Variants in UNC13C observed in about 807,000 individuals in gnomAD.
The protein encoded by UNC13C is protein unc-13 homolog C.
In UNC13C, 174 loss-of-function variants were observed where a neutral mutation model predicts 245.4. The ratio of observed to expected loss-of-function variants is 0.71; its 90% CI spans 0.63 to 0.80. The LOEUF is 0.80. Among genes scored for constraint, UNC13C ranks in the 30% least tolerant of loss-of-function variants. The probability of loss-of-function intolerance (pLI) is 0.00; values close to 1 mark genes in which losing one functional copy is unlikely to be tolerated. For synonymous variants in UNC13C, 992 were observed against 895.1 expected (o/e 1.11, Z -1.93); for missense variants, 2,829 against 2,602.9 (o/e 1.09, Z -1.89).
chr15:54,091,491 T>C (rs1899570987), intron 2 of UNC13C, among the ~76,000 whole-genome samples: 1 of 152,230 alleles, frequency 6.6e-6, no homozygotes, highest in African/African-American at 2.4e-5. Flanking sequence ...TGATAAGTCC[T>C]TTCGTATCTA....
At chr15:54,343,935 G>A in intron 17 of UNC13C, among the ~76,000 whole-genome samples, 1 of 152,188 alleles carries the variant, frequency 6.6e-6, no homozygotes, top group East Asian at 1.9e-4. Context: ...GATTCTTGCT[G>A]AAGGCAGACC....
the UNC13C span, among the ~76,000 whole-genome samples, chr15:53,927,246 T>C: frequency 6.6e-6 from 1 of 152,120 alleles, no homozygotes; most frequent in Admixed American, 6.5e-5. Flanking sequence ...GAGTCCACGT[T>C]TTTAACCACT....
At position 54,343,202 on chromosome 15, in the gene UNC13C, C is replaced by T. The variant is rs551251063; in HGVS notation, c.4713+4713C>T. Among the ~76,000 whole-genome samples, 10 of 151,420 alleles carry T rather than the reference C, an allele frequency of 6.6e-5. No homozygotes were observed. The South Asian group carries it at 8.3e-4, about 13-fold the overall frequency. ...AGACTGGAGCGCAGTGGCGCAATCTCGGCTCACTGCAAACTCCGCCTCTTG... is the reference window on the plus strand; with the variant it reads ...AGACTGGAGCGCAGTGGCGCAATCTTGGCTCACTGCAAACTCCGCCTCTTG... On this transcript the variant is annotated intron_variant, in intron 17 of 32. Transcript: ENST00000260323.
chr15:53,976,475 CTCTTTTTT>C (rs1317975650), upstream of UNC13C, among the ~76,000 whole-genome samples: 4 of 63,738 alleles, frequency 6.3e-5, no homozygotes, highest in Admixed American at 7.7e-4. Flanking sequence ...CTCTCTCTCT[CTCTTTTTT>C]TTTTTTTTTT....
At chr15:54,455,238 T>TATACATATATAA (rs1416569966) in intron 19 of UNC13C, among the ~76,000 whole-genome samples, 1 of 70,146 alleles carries the variant, frequency 1.4e-5, no homozygotes. Flanking sequence ...TATATATATA[T>TATACATATATAA]GTTTTTTAAT....
chr15:54,497,482 G>A (rs940621464), intron 20 of UNC13C, among the ~76,000 whole-genome samples: 3 of 152,074 alleles, frequency 2.0e-5, no homozygotes, highest in Non-Finnish European at 4.4e-5. Flanking sequence ...AAACCACAGA[G>A]ATATGAGTCC....
intron 19 of UNC13C, among the ~76,000 whole-genome samples, chr15:54,467,976 C>T (rs1395733636): frequency 1.3e-5 from 2 of 151,632 alleles, no homozygotes. Context: ...TGGCTATACA[C>T]CCAGAAGTGG....
the UNC13C span, among the ~76,000 whole-genome samples, chr15:53,939,790 T>A: frequency 6.7e-6 from 1 of 148,996 alleles, no homozygotes; most frequent in African/African-American, 2.5e-5. Flanking sequence ...TTTGTCATTG[T>A]AAGGTCAGCC....
chr15:54,004,152 C>T (rs1025814576), intron 1 of UNC13C, among the ~76,000 whole-genome samples: 3 of 152,158 alleles, frequency 2.0e-5, no homozygotes, highest in Non-Finnish European at 4.4e-5. Context: ...CATCTTCCTT[C>T]TACCTCCCCG....
At chr15:54,588,273 T>C (rs1898593101) in intron 30 of UNC13C, among the ~76,000 whole-genome samples, 1 of 152,324 alleles carries the variant, frequency 6.6e-6, no homozygotes. Flanking sequence ...CTGAAGTAAA[T>C]TGAACTTTCC....
Position 54,391,370 on chromosome 15 carries a change from G to C in UNC13C, c.4714-1678G>C, listed in dbSNP as rs1371388036. On this transcript the variant is annotated intron_variant, in intron 17 of 32. Transcript: ENST00000260323. ...AGAAATCTATTGAGCTTAATATAAT[G>C]CACAAATAATTACATTATAGTAGTG... 6.6e-5 allele frequency among the ~76,000 whole-genome samples: 10 copies of C among 151,812 alleles called. 1 individual carries two copies. The highest frequency in any genetic ancestry group is 6.6e-4 in the Admixed American group (10 of 15,218).
At chr15:54,094,895 A>G (rs1411722156) in intron 2 of UNC13C, among the ~76,000 whole-genome samples, 1 of 152,164 alleles carries the variant, frequency 6.6e-6, no homozygotes, top group Non-Finnish European at 1.5e-5. Flanking sequence ...GGCCAAGTAC[A>G]AAGTGATTCA....
chr15:54,541,421 C>A (rs537847283), intron 26 of UNC13C, among the ~76,000 whole-genome samples: 2 of 152,060 alleles, frequency 1.3e-5, no homozygotes, highest in East Asian at 3.9e-4. Context: ...AATATATGAC[C>A]CATCTTTGGC....
rs531803542 is a variant in UNC13C at position 54,151,834 on chromosome 15, T to C, written c.3071+8150T>C. On this transcript the variant is annotated intron_variant, in intron 4 of 32. Transcript: ENST00000260323. ...CAGTTCCTGGCGCTGGAGCGTTCCA[T>C]AATGGATCTACACAGCTCTGGTTGG... Among the ~76,000 whole-genome samples, 9 of 143,456 alleles carry C rather than the reference T, an allele frequency of 6.3e-5. No homozygotes were observed. The East Asian group carries it at 1.9e-3, about 30-fold the overall frequency. The allele number at this position is 143,456 out of a possible 152,430, so 94.1% of individuals were successfully genotyped here. A position where few individuals can be genotyped will look rare whatever the true frequency, so the allele number is the denominator to read the frequency against.
intron 4 of UNC13C, among the ~76,000 whole-genome samples, chr15:54,201,395 T>C (rs375485358): frequency 2.0e-5 from 3 of 151,726 alleles, no homozygotes; most frequent in African/African-American, 7.3e-5. Flanking sequence ...TCCTGATGAA[T>C]ATAGATGCAA....
chr15:54,576,107 A>G (rs1425609838), intron 30 of UNC13C, among the ~76,000 whole-genome samples: 1 of 152,214 alleles, frequency 6.6e-6, no homozygotes, highest in Non-Finnish European at 1.5e-5. Flanking sequence ...CAAGTTGTCT[A>G]CCTCTGTGCT....
At chr15:54,197,192 T>C (rs1427324331) in intron 4 of UNC13C, among the ~76,000 whole-genome samples, 1 of 152,142 alleles carries the variant, frequency 6.6e-6, no homozygotes, top group East Asian at 1.9e-4. Context: ...AATAAGTACA[T>C]TTGGCTGGGC....
chr15:54,242,864 T>G (rs2035891074), intron 7 of UNC13C, among the ~76,000 whole-genome samples: 2 of 152,230 alleles, frequency 1.3e-5, no homozygotes, highest in Admixed American at 1.3e-4. Context: ...CATGGTTCCC[T>G]GACTGACTTT....
chr15:54,422,255 A>G (rs2040660280), intron 19 of UNC13C, among the ~76,000 whole-genome samples: 1 of 151,896 alleles, frequency 6.6e-6, no homozygotes. Flanking sequence ...TTTGGCTCTC[A>G]CACTTCTCTC....
Sources: gnomAD v4.1 joint callset for allele counts (sites outside exome capture counted in the v4.1 genomes callset) on GRCh38, gnomAD v4.1.1 for gene constraint, MANE v1.5 for transcripts, NCBI Gene and HGNC (gene_info 2026-07-23, HGNC 2026-07-21) for gene names.